INPP5B: variants seen among roughly 807,000 people sequenced by gnomAD.
The protein encoded by INPP5B is inositol polyphosphate-5-phosphatase B.
Under a neutral mutation model 118.5 loss-of-function variants are expected in INPP5B, and 90 were observed. The ratio of observed to expected loss-of-function variants is 0.76; its 90% CI spans 0.64 to 0.90. INPP5B has a LOEUF of 0.90. INPP5B is among the 40% of genes least tolerant of loss of function. The pLI is 0.00. For missense variants in INPP5B, 984 were observed against 1,125.6 expected, an observed-to-expected ratio of 0.87 and a Z score of 1.80; for synonymous variants, 385 against 418.9, an observed-to-expected ratio of 0.92 and a Z score of 0.99.
chr1:37,869,934 G>A (rs1179232852), intron 19 of INPP5B: 1 of 152,016 alleles, frequency 6.6e-6, no homozygotes, highest in Admixed American at 6.6e-5. Flanking sequence ...CCATAGGTCT[G>A]CTCCAAATTA....
intron 7 of INPP5B, among the ~76,000 whole-genome samples, chr1:37,921,051 A>G (rs1645037264): frequency 1.3e-5 from 2 of 152,168 alleles, no homozygotes; most frequent in African/African-American, 4.8e-5. Context: ...GTTTGCAGTG[A>G]GCCGAGATCG....
Position 37,874,053 on chromosome 1 carries a change from C to T in INPP5B, c.1891G>A (p.Glu631Lys). The T allele has an allele frequency of 6.2e-7, 1 of 1,607,874 alleles. No homozygotes were observed. The highest frequency in any genetic ancestry group is 8.5e-7 in the Non-Finnish European group (1 of 1,175,268). ...AGCCACTGCTTACAGTAAGACTCTT[C>T]ATCAGGCTTGTTGATGAATTCAAAA... The part of the protein sequence containing the change: ...CHFEFINKPD[E>K]ESYCKQWLNA... The change falls in exon 18 of 24, where the codon GAA (glutamate) becomes AAA (lysine). Residue 631 changes from glutamate to lysine, a missense_variant. Physicochemically the swap from Glu to Lys is moderately conservative, Grantham distance 56. Coordinates refer to ENST00000373024, the MANE Select transcript of INPP5B (RefSeq NM_005540.3).
intron 19 of INPP5B, among the ~76,000 whole-genome samples, chr1:37,870,472 T>C (rs960530482): frequency 1.2e-4 from 19 of 152,176 alleles, no homozygotes; most frequent in African/African-American, 4.6e-4. Context: ...CTCAAATATG[T>C]ACGTTGAAAC....
chr1:37,939,737 C>A (rs1645845961), intron 6 of INPP5B, among the ~76,000 whole-genome samples: 1 of 151,530 alleles, frequency 6.6e-6, no homozygotes, highest in African/African-American at 2.4e-5. Context: ...GCCACCGCGC[C>A]CGGCCTGTTA....
rs764379984 is a variant in INPP5B, at chr1:37,931,947, T to A, written c.498A>T (p.Leu166=). The A allele has an allele frequency of 1.2e-6, 2 of 1,613,940 alleles. No individual in the cohort carries two copies. Among genetic ancestry groups the A allele is most frequent in the Non-Finnish European group, 1.7e-6 (2 of 1,180,028 alleles). The change falls in exon 7 of 24, where the codon CTA becomes CTT. Residue 166 remains leucine, a synonymous_variant. Transcript: ENST00000373024. ...TTGTCGCGTACCCTGGCCAGGTAAC[T>A]AGGGCCGAGTTACAACCGCGCGGCG... ...MPTPRGCNSA[L]VTWPGYATIG...
chr1:37,860,804 G>T lies in INPP5B; in HGVS notation c.*1511C>A, dbSNP rs754172783. 6.6e-6 allele frequency: 1 copy of T among 152,216 alleles called. No individual in the cohort carries two copies. Among genetic ancestry groups the T allele is most frequent in the Non-Finnish European group, 1.5e-5 (1 of 68,072 alleles). 9.4% of individuals were successfully genotyped at this position (152,216 alleles called of 1,614,324 possible). On this transcript the variant is annotated 3_prime_UTR_variant, in exon 24 of 24. Coordinates refer to ENST00000373024, the MANE Select transcript of INPP5B (RefSeq NM_005540.3). ...CCCAGAAAATCCCACTTGTTTCACC[G>T]AACACTCATTTTTTCAGTGATTTTA...
At position 37,865,786 on chromosome 1, in the gene INPP5B, G is replaced by A. The variant is rs199676247; in HGVS notation, c.2489C>T (p.Ser830Phe). The A allele has an allele frequency of 1.2e-6, 2 of 1,613,646 alleles. No homozygotes were observed. The highest frequency in any genetic ancestry group is 3.3e-5 in the Admixed American group (2 of 60,002). ...YSTYHNCLEC[S>F]GNYTASKQVI... Reference sequence around the variant, plus strand: ...CTGTTTGCTTGCTGTGTAGTTGCCAGAACACTCCAAGCAGTTATGGTAGGT... The same window carrying A: ...CTGTTTGCTTGCTGTGTAGTTGCCAAAACACTCCAAGCAGTTATGGTAGGT... The change falls in exon 22 of 24, where the codon TCT becomes TTT. Residue 830 changes from serine to phenylalanine, a missense_variant. Physicochemically the swap from Ser to Phe is radical, Grantham distance 155. Around this residue, in one of 2 missense-constraint regions of INPP5B, gnomAD observed 634 missense variants for 791.0 expected, o/e 0.80. Coordinates refer to ENST00000373024, the MANE Select transcript of INPP5B (RefSeq NM_005540.3).
intron 8 of INPP5B, among the ~76,000 whole-genome samples, chr1:37,890,543 A>G (rs1366226170): frequency 6.6e-6 from 1 of 152,170 alleles, no homozygotes; most frequent in African/African-American, 2.4e-5. Flanking sequence ...TTTTATCTTG[A>G]CCAGACAGAT....
At chr1:37,883,815 C>T (rs1643353047) in intron 13 of INPP5B, 1 of 985,414 alleles carries the variant, frequency 1.0e-6, no homozygotes, top group African/African-American at 1.7e-5. Flanking sequence ...GGACAAGAGG[C>T]GTTAACTCTG....
chr1:37,892,802 C>A (rs186195446), intron 7 of INPP5B, among the ~76,000 whole-genome samples: 1 of 152,078 alleles, frequency 6.6e-6, no homozygotes, highest in East Asian at 1.9e-4. Flanking sequence ...GGAGTTGGGG[C>A]CTTTAGGTGT....
intron 13 of INPP5B, chr1:37,883,329 A>G (rs1186126205): frequency 6.1e-6 from 6 of 985,332 alleles, no homozygotes; most frequent in Non-Finnish European, 7.2e-6. Context: ...TGCAACCCAC[A>G]AAACACACTC....
intron 7 of INPP5B, among the ~76,000 whole-genome samples, chr1:37,924,279 G>A (rs998190290): frequency 1.3e-5 from 2 of 151,316 alleles, no homozygotes; most frequent in Non-Finnish European, 2.9e-5. Flanking sequence ...AGCGATTCTC[G>A]TACCTCAGCC....
intron 7 of INPP5B, among the ~76,000 whole-genome samples, chr1:37,896,420 GT>G (rs1414530009): frequency 3.0e-4 from 46 of 151,594 alleles, no homozygotes; most frequent in Non-Finnish European, 3.0e-4. Context: ...CGGGAGGGAG[GT>G]GGGGGGGTCA....
chr1:37,873,915 C>A, intron 18 of INPP5B, 78 bp downstream of exon 18: 1 of 1,188,620 alleles, frequency 8.4e-7, no homozygotes, highest in South Asian at 2.7e-5. Context: ...GCAAAAAGCT[C>A]ATTTTAGGAA....
At chr1:37,881,801 GA>G (rs1251892351) in intron 14 of INPP5B, among the ~76,000 whole-genome samples, 1 of 151,974 alleles carries the variant, frequency 6.6e-6, no homozygotes, top group South Asian at 2.1e-4. Flanking sequence ...CTGCACTGGG[GA>G]AAAAAAGATA....
chr1:37,918,715 GTAAAA>G (rs1252560867), intron 7 of INPP5B, among the ~76,000 whole-genome samples: 1 of 152,114 alleles, frequency 6.6e-6, no homozygotes, highest in African/African-American at 2.4e-5. Context: ...TTCCTCATTT[GTAAAA>G]TGGAAGTAAT....
chr1:37,931,508 C>T, intron 7 of INPP5B: 1 of 1,535,080 alleles, frequency 6.5e-7, no homozygotes, highest in Non-Finnish European at 8.7e-7. Flanking sequence ...AGAAGAACAT[C>T]ACAGAACTTC....
intron 7 of INPP5B, among the ~76,000 whole-genome samples, chr1:37,921,088 A>C (rs1645039064): frequency 6.6e-6 from 1 of 152,342 alleles, no homozygotes; most frequent in South Asian, 2.1e-4. Context: ...ACTGGGTGAC[A>C]GAGTAAGACT....
intron 7 of INPP5B, among the ~76,000 whole-genome samples, chr1:37,894,566 T>C (rs935245978): frequency 3.2e-5 from 4 of 123,338 alleles, no homozygotes; most frequent in African/African-American, 5.2e-5. Context: ...TTTTTCTTTT[T>C]TTTTTTTTTT....
Sources: allele counts gnomAD v4.1 joint callset (sites outside exome capture counted in the v4.1 genomes callset), GRCh38; gene constraint gnomAD v4.1.1; regional missense constraint gnomAD v4.1.1; transcripts MANE v1.5; gene names NCBI Gene and HGNC (gene_info 2026-07-23, HGNC 2026-07-21).